SLC26A5: variants seen among roughly 807,000 people sequenced by gnomAD.
The protein encoded by SLC26A5 is prestin.
Under a neutral mutation model 81.0 loss-of-function variants are expected in SLC26A5, and 51 were observed. The observed-to-expected ratio is 0.63, with a 90% confidence interval of 0.50 to 0.80. SLC26A5 has a LOEUF of 0.80. SLC26A5 is among the 30% of genes least tolerant of loss of function. The probability of loss-of-function intolerance (pLI) is 0.00; values close to 1 mark genes in which losing one functional copy is unlikely to be tolerated. For missense variants in SLC26A5, 771 were observed against 905.8 expected (o/e 0.85, Z 1.91); for synonymous variants, 325 against 332.8 (o/e 0.98, Z 0.25).
At chr7:103,433,937 G>A (rs778181009) in intron 2 of SLC26A5, among the ~76,000 whole-genome samples, 1 of 151,986 alleles carries the variant, frequency 6.6e-6, no homozygotes, top group African/African-American at 2.4e-5. Context: ...TCCTGACCTC[G>A]TGATCTGCCC....
At chr7:103,398,715 G>A (rs971388925) in intron 8 of SLC26A5, among the ~76,000 whole-genome samples, 4 of 152,166 alleles carry the variant, frequency 2.6e-5, no homozygotes, top group African/African-American at 9.7e-5. Flanking sequence ...TGCCTATAGA[G>A]CTTTCTGAGT....
chr7:103,397,862 A>T (rs1823268738), intron 9 of SLC26A5, 70 bp downstream of exon 9: 3 of 1,110,764 alleles, frequency 2.7e-6, no homozygotes, highest in East Asian at 2.4e-5. Flanking sequence ...AAGAGAACTA[A>T]TGTAAGAGTT....
intron 9 of SLC26A5, among the ~76,000 whole-genome samples, chr7:103,394,597 C>T (rs78525740): frequency 1.8e-3 from 273 of 152,242 alleles, no homozygotes; most frequent in African/African-American, 6.5e-3. Context: ...TTCTGGGCAC[C>T]GCAAAATGCA....
chr7:103,401,774 G>T (rs1162609329), intron 8 of SLC26A5, among the ~76,000 whole-genome samples: 7 of 152,290 alleles, frequency 4.6e-5, no homozygotes, highest in African/African-American at 1.7e-4. Flanking sequence ...AAGGGCTGTT[G>T]AATTTCCTTG....
At position 103,413,082 on chromosome 7, in the gene SLC26A5, G is replaced by T; in HGVS notation, c.323C>A (p.Pro108His). ...GLAFAMLAAV[P>H]PIFGLYSSFY... The stretch of plus-strand genomic sequence containing the variant: ...TGAAGAGTACAGGCCAAATATTGGA[G>T]GCACAGCTGCCAGCATTGCAAAGGC... The change falls in exon 5 of 20, where the codon CCT (proline) becomes CAT (histidine). Residue 108 changes from proline (P) to histidine (H), a missense_variant. Transcript: ENST00000306312. The T allele has an allele frequency of 6.2e-7, 1 of 1,613,972 alleles. No individual in the cohort carries two copies. Among genetic ancestry groups the T allele is most frequent in the Admixed American group, 1.7e-5 (1 of 60,018 alleles).
chr7:103,358,986 A>T (rs1820201174), intron 19 of SLC26A5, among the ~76,000 whole-genome samples: 1 of 143,126 alleles, frequency 7.0e-6, no homozygotes, highest in Admixed American at 7.0e-5. Context: ...TAGCTTGTGA[A>T]TTTTTTTTTT....
At position 103,367,385 on chromosome 7, in the gene SLC26A5, G is replaced by A. The variant is rs1820771877; in HGVS notation, c.2041+9423C>T. On this transcript the variant is annotated intron_variant, in intron 19 of 19. Transcript: ENST00000339444. This position sits in a 1 kb window ranked among gnomAD's most constrained non-coding sequence, Gnocchi z 6.1. ...AGTGCTACTCTTGAGTGGACTTGAA[G>A]AGCTTATCTTTCCTTTTGTCTTCTC... 6.2e-7 allele frequency: 1 copy of A among 1,610,206 alleles called. No individual in the cohort carries two copies. Among genetic ancestry groups the A allele is most frequent in the Non-Finnish European group, 8.5e-7 (1 of 1,178,010 alleles).
chr7:103,362,039 C>T, intron 19 of SLC26A5: 1 of 1,613,670 alleles, frequency 6.2e-7, no homozygotes, highest in Non-Finnish European at 8.5e-7. Flanking sequence ...TGTGGTGGAC[C>T]TTAGTGATCA....
chr7:103,445,992 G>A (rs183212483), intron 1 of SLC26A5, 106 bp downstream of exon 1: 10 of 150,566 alleles, frequency 6.6e-5, no homozygotes, highest in African/African-American at 2.4e-4. Context: ...CAGGGGCAGA[G>A]GCGGTGACAG....
intron 2 of SLC26A5, among the ~76,000 whole-genome samples, chr7:103,425,441 A>G (rs894945131): frequency 6.6e-6 from 1 of 152,228 alleles, no homozygotes; most frequent in Admixed American, 6.5e-5. Context: ...GAGCAGTTCA[A>G]GTTGAGAAGC....
chr7:103,422,267 A>G (rs1437215970), intron 2 of SLC26A5, among the ~76,000 whole-genome samples: 1 of 152,230 alleles, frequency 6.6e-6, no homozygotes, highest in African/African-American at 2.4e-5. Context: ...GTTGTGTACA[A>G]GAATGTTTTC....
intron 8 of SLC26A5, among the ~76,000 whole-genome samples, chr7:103,405,442 C>T (rs1342379704): frequency 6.6e-6 from 1 of 152,216 alleles, no homozygotes; most frequent in Non-Finnish European, 1.5e-5. Context: ...AGTCAGGCCC[C>T]TCTGCTACAG....
Position 103,397,930 on chromosome 7 carries a change from A to G in SLC26A5, c.971+2T>C. On this transcript the variant is annotated splice_donor_variant, in intron 9 of 19. Coordinates refer to ENST00000306312, the MANE Select transcript of SLC26A5 (RefSeq NM_198999.3). LOFTEE classifies it high-confidence loss of function. Reference sequence around the variant, plus strand: ...CACAGTTACTTAAAACCACTTTCCTACCCTAGAGGAAGTGTTCCAACGACA... The same window carrying G: ...CACAGTTACTTAAAACCACTTTCCTGCCCTAGAGGAAGTGTTCCAACGACA... The G allele has an allele frequency of 6.2e-7, 1 of 1,612,004 alleles. No homozygotes were observed. Among genetic ancestry groups the G allele is most frequent in the Middle Eastern group, 1.7e-4 (1 of 6,056 alleles).
intron 19 of SLC26A5, among the ~76,000 whole-genome samples, chr7:103,363,167 A>G (rs367936527): frequency 6.6e-6 from 1 of 152,288 alleles, no homozygotes; most frequent in East Asian, 1.9e-4. Flanking sequence ...TTCATTCATT[A>G]GTGTCATAAC....
intron 19 of SLC26A5, among the ~76,000 whole-genome samples, chr7:103,375,357 A>T (rs1380658810): frequency 6.6e-6 from 1 of 152,072 alleles, no homozygotes; most frequent in African/African-American, 2.4e-5. Context: ...CATATGCAGC[A>T]TATTGCTGGA....
intron 19 of SLC26A5, chr7:103,366,011 A>T: frequency 7.7e-7 from 1 of 1,296,078 alleles, no homozygotes; most frequent in Non-Finnish European, 1.1e-6. Context: ...TTGAAGCATA[A>T]CTTTTTACTT....
chr7:103,443,531 G>A (rs1176248753), intron 1 of SLC26A5, among the ~76,000 whole-genome samples: 2 of 152,172 alleles, frequency 1.3e-5, no homozygotes, highest in African/African-American at 2.4e-5. Context: ...GGCATCATCA[G>A]TAGTGGGAGC....
chr7:103,430,597 G>GCAGGC, intron 2 of SLC26A5, among the ~76,000 whole-genome samples: 1 of 66,022 alleles, frequency 1.5e-5, no homozygotes. Flanking sequence ...TTCCAGAGAG[G>GCAGGC]ATGGCTTTGG....
chr7:103,420,316 G>A (rs1399972961), intron 4 of SLC26A5, among the ~76,000 whole-genome samples: 4 of 106,948 alleles, frequency 3.7e-5, no homozygotes, highest in Non-Finnish European at 5.5e-5. Context: ...TTTTTTTTGA[G>A]ACAGGGACTC....
Sources: allele counts gnomAD v4.1 joint callset (sites outside exome capture counted in the v4.1 genomes callset), GRCh38; gene constraint gnomAD v4.1.1; non-coding constraint Gnocchi (gnomAD v3.1); transcripts MANE v1.5; gene names NCBI Gene and HGNC (gene_info 2026-07-23, HGNC 2026-07-21).